The following PCDHA6 variants were observed in gnomAD, a reference collection of about 807,000 sequenced individuals.
The protein encoded by PCDHA6 is protocadherin alpha-6.
In PCDHA6, 55 loss-of-function variants were observed where a neutral mutation model predicts 60.3. The observed-to-expected ratio is 0.91, with a 90% CI of 0.73 to 1.14. The LOEUF (loss-of-function observed/expected upper bound fraction) is 1.14, where lower values mean the gene tolerates loss of function less well. Ranked by LOEUF, PCDHA6 falls within the 50% of genes most tolerant of loss-of-function variation. The pLI, the probability that PCDHA6 is intolerant of heterozygous loss-of-function variation, is 0.00. For synonymous variants in PCDHA6, 652 were observed against 557.9 expected (o/e 1.17, Z -2.38); for missense variants, 1,327 against 1,256.5 (o/e 1.06, Z -0.85).
At chr5:140,997,374 A>G (rs1296402204) in intron 3 of PCDHA6, among the ~76,000 whole-genome samples, 1 of 152,212 alleles carries the variant, frequency 6.6e-6, no homozygotes, top group Non-Finnish European at 1.5e-5. Flanking sequence ...TAGATGATAT[A>G]GCATACTACA....
At chr5:140,933,613 A>G (rs1441475985) in intron 1 of PCDHA6, among the ~76,000 whole-genome samples, 1 of 151,962 alleles carries the variant, frequency 6.6e-6, no homozygotes, top group Non-Finnish European at 1.5e-5. Flanking sequence ...TTCTTTTCTT[A>G]TTAGGTTAGG....
chr5:140,981,138 G>A (rs1554242668), intron 2 of PCDHA6, among the ~76,000 whole-genome samples: 11 of 152,206 alleles, frequency 7.2e-5, no homozygotes. Flanking sequence ...GTCAAAGAGT[G>A]AGAAAACATT....
chr5:141,007,915 A>G (rs561873534), intron 3 of PCDHA6, among the ~76,000 whole-genome samples: 5 of 152,308 alleles, frequency 3.3e-5, no homozygotes, highest in South Asian at 2.1e-4. Flanking sequence ...TGAAGATGCT[A>G]TATAAGCTGG....
intron 1 of PCDHA6, among the ~76,000 whole-genome samples, chr5:140,931,177 A>G (rs1288307941): frequency 1.3e-5 from 2 of 152,200 alleles, no homozygotes; most frequent in African/African-American, 4.8e-5. Context: ...ATTTTAGGGA[A>G]GGAAATTGGT....
chr5:140,982,331 G>A lies in PCDHA6; in HGVS notation c.2454-144G>A, dbSNP rs1422921231. On this transcript the variant is annotated intron_variant, in intron 2 of 3. Coordinates refer to ENST00000529310, the MANE Select transcript of PCDHA6 (RefSeq NM_018909.4). ...GCAGTTTATGCAGGGTGACTGCTCA[G>A]CAGTAATTGCTTCAGTTCAAGCATG... The A allele has an allele frequency of 6.3e-6, 9 of 1,431,750 alleles. No individual in the cohort carries two copies. In the Admixed American group the frequency reaches 1.6e-4, roughly 26 times the overall value. 88.7% of individuals were successfully genotyped at this position (1,431,750 alleles called of 1,614,324 possible).
In PCDHA6 at chr5:141,010,190, C is replaced by T. The variant is rs868983471; in HGVS notation, c.*253C>T. On this transcript the variant is annotated 3_prime_UTR_variant, in exon 4 of 4. Coordinates refer to ENST00000529310, the MANE Select transcript of PCDHA6 (RefSeq NM_018909.4). ...GAACCTAAAAAGCAGACCCAAGTTT[C>T]CTTTCTCCTCCGCCGCAAAGGAGAG... The T allele has an allele frequency of 6.4e-7, 1 of 1,552,504 alleles. No homozygotes were observed. Among genetic ancestry groups the T allele is most frequent in the Non-Finnish European group, 8.7e-7 (1 of 1,147,234 alleles).
At chr5:140,876,117 C>T in intron 1 of PCDHA6, 1 of 1,613,922 alleles carries the variant, frequency 6.2e-7, no homozygotes, top group Non-Finnish European at 8.5e-7. Flanking sequence ...TGATGGTAAT[C>T]GATGGCGGTA....
chr5:140,992,017 CTGTGTGTGTGTG>C (rs10602499), intron 3 of PCDHA6, among the ~76,000 whole-genome samples: 3 of 145,512 alleles, frequency 2.1e-5, no homozygotes, highest in South Asian at 2.2e-4. Flanking sequence ...AGAGGTGGCT[CTGTGTGTGTGTG>C]TGTGTGTGTG....
intron 3 of PCDHA6, among the ~76,000 whole-genome samples, chr5:141,007,590 GATA>G (rs1332143320): frequency 4.0e-5 from 6 of 151,858 alleles, no homozygotes; most frequent in Non-Finnish European, 8.8e-5. Context: ...TAATAATCAT[GATA>G]ATAATAAAAG....
chr5:140,943,804 G>C (rs996208541), intron 1 of PCDHA6, among the ~76,000 whole-genome samples: 2 of 152,224 alleles, frequency 1.3e-5, no homozygotes, highest in Non-Finnish European at 2.9e-5. Flanking sequence ...AGCAAAAGAG[G>C]AAAGTTTGAA....
chr5:140,927,432 C>G lies in PCDHA6; in HGVS notation c.2395-51517C>G, dbSNP rs781874569. The G allele has an allele frequency of 6.8e-6, 11 of 1,614,124 alleles. No homozygotes were observed. The East Asian group carries it at 2.5e-4, about 36-fold the overall frequency. On this transcript the variant is annotated intron_variant, in intron 1 of 3. Transcript: ENST00000529310. Reference sequence around the variant, plus strand: ...ACATGGGATCGCGGGTTGACGGCAGCGAATACCCGGAGTTGGTGTTGGAGA... The same window carrying G: ...ACATGGGATCGCGGGTTGACGGCAGGGAATACCCGGAGTTGGTGTTGGAGA...
intron 1 of PCDHA6, chr5:140,843,861 G>T: frequency 1.1e-6 from 1 of 908,292 alleles, no homozygotes; most frequent in South Asian, 1.8e-5. Context: ...ATAATTAATT[G>T]AATTTTCTCA....
chr5:140,882,705 G>T, intron 1 of PCDHA6: 1 of 1,614,172 alleles, frequency 6.2e-7, no homozygotes, highest in South Asian at 1.1e-5. Flanking sequence ...GCAGAATCTA[G>T]ACCTCCGGAA....
chr5:140,928,461 C>T, intron 1 of PCDHA6: 2 of 1,614,108 alleles, frequency 1.2e-6, no homozygotes, highest in Non-Finnish European at 1.7e-6. Context: ...GGTTTCATTT[C>T]CAAGTAGAAG....
rs2150410181 is a variant in PCDHA6 at position 140,848,414 on chromosome 5, C to A, written c.2394+17929C>A. On this transcript the variant is annotated intron_variant, in intron 1 of 3. Transcript: ENST00000529310. ...CTGTGCTGAACGATGGCGAACACAGCAGAATGGGACTGACGAAATCAGATG... is the reference window on the plus strand; with the variant it reads ...CTGTGCTGAACGATGGCGAACACAGAAGAATGGGACTGACGAAATCAGATG... The A allele has an allele frequency of 1.2e-3, 1,716 of 1,381,822 alleles. 109 individuals carry two copies. The African/African-American group carries it at 0.021, about 17-fold the overall frequency. The allele number at this position is 1,381,822 out of a possible 1,614,324, so 85.6% of individuals were successfully genotyped here. A position where few individuals can be genotyped will look rare whatever the true frequency, so the allele number is the denominator to read the frequency against.
intron 1 of PCDHA6, chr5:140,870,821 G>T: frequency 1.9e-6 from 3 of 1,613,736 alleles, no homozygotes; most frequent in South Asian, 1.1e-5. Context: ...GGCAGCGCGG[G>T]AGGCGCAGTT....
chr5:140,886,637 C>A (rs1379156415), intron 1 of PCDHA6, among the ~76,000 whole-genome samples: 3 of 151,848 alleles, frequency 2.0e-5, no homozygotes, highest in Non-Finnish European at 4.4e-5. Context: ...ACCAGCCTGG[C>A]CAACATGGTG....
At chr5:140,882,201 C>T in intron 1 of PCDHA6, 1 of 1,528,460 alleles carries the variant, frequency 6.5e-7, no homozygotes, top group Non-Finnish European at 8.8e-7. Context: ...AAAATTGGGC[C>T]TTGAGAGACA....
rs1490925820 is a variant in PCDHA6, at chr5:140,842,691, A to G, written c.2394+12206A>G. On this transcript the variant is annotated intron_variant, in intron 1 of 3. Coordinates refer to ENST00000529310, the MANE Select transcript of PCDHA6 (RefSeq NM_018909.4). The stretch of plus-strand genomic sequence containing the variant: ...AACGACAATGCTCCGGCGTTCGCGC[A>G]GCCCGAGTACACGGTGTTCGTGAAG... The G allele has an allele frequency of 1.9e-6, 3 of 1,595,232 alleles. 1 individual carries two copies. Among genetic ancestry groups the G allele is most frequent in the Non-Finnish European group, 2.6e-6 (3 of 1,165,546 alleles).
Sources: gnomAD v4.1 joint callset for allele counts (sites outside exome capture counted in the v4.1 genomes callset) on GRCh38, gnomAD v4.1.1 for gene constraint, MANE v1.5 for transcripts, NCBI Gene and HGNC (gene_info 2026-07-23, HGNC 2026-07-21) for gene names.